RTN4RL1: variants seen among roughly 807,000 people sequenced by gnomAD.
The protein encoded by RTN4RL1 is reticulon-4 receptor-like 1.
A neutral mutation model predicts 25.6 loss-of-function variants in RTN4RL1; 7 were observed. The observed-to-expected ratio is 0.27, with a 90% CI of 0.16 to 0.51. RTN4RL1 has a LOEUF of 0.51. RTN4RL1 is among the 20% of genes least tolerant of loss of function. RTN4RL1 has a pLI of 0.97. For synonymous variants in RTN4RL1, 297 were observed against 288.2 expected, an observed-to-expected ratio of 1.03 and a Z score of -0.31; for missense variants, 500 against 615.6, an observed-to-expected ratio of 0.81 and a Z score of 1.99.
intron 1 of RTN4RL1, among the ~76,000 whole-genome samples, chr17:2,010,254 C>T (rs1314209655): frequency 1.5e-4 from 10 of 68,380 alleles, no homozygotes; most frequent in South Asian, 6.0e-4. Flanking sequence ...GCCAGGAGTT[C>T]AAGACCAGCC....
intron 1 of RTN4RL1, among the ~76,000 whole-genome samples, chr17:1,985,716 C>T (rs373947989): frequency 3.3e-5 from 5 of 152,116 alleles, no homozygotes; most frequent in African/African-American, 9.7e-5. Flanking sequence ...GGAAGCCAGC[C>T]GTCTGGTGGC....
At chr17:2,022,090 A>G (rs1228886054) in intron 1 of RTN4RL1, among the ~76,000 whole-genome samples, 1 of 151,138 alleles carries the variant, frequency 6.6e-6, no homozygotes, top group Non-Finnish European at 1.5e-5. Flanking sequence ...CGAGGTGGGC[A>G]GATCACTTGA....
intron 1 of RTN4RL1, among the ~76,000 whole-genome samples, chr17:2,011,672 T>C (rs759050496): frequency 1.3e-5 from 2 of 152,134 alleles, no homozygotes; most frequent in Non-Finnish European, 2.9e-5. Flanking sequence ...CTCCTTGCAA[T>C]AATCCCCCAT....
At chr17:1,989,709 G>C (rs2066901522) in intron 1 of RTN4RL1, among the ~76,000 whole-genome samples, 1 of 152,122 alleles carries the variant, frequency 6.6e-6, no homozygotes, top group Non-Finnish European at 1.5e-5. Flanking sequence ...GAGTAGCCAG[G>C]ATTACAGGTG....
intron 1 of RTN4RL1, among the ~76,000 whole-genome samples, chr17:1,971,097 C>T (rs1165085331): frequency 6.6e-6 from 1 of 152,122 alleles, no homozygotes; most frequent in Non-Finnish European, 1.5e-5. Flanking sequence ...CTCTGTGTCC[C>T]CACCCAGATC....
intron 1 of RTN4RL1, among the ~76,000 whole-genome samples, chr17:2,015,435 G>C (rs1006138307): frequency 2.6e-5 from 4 of 152,130 alleles, no homozygotes; most frequent in African/African-American, 4.8e-5. Context: ...CTGCAGCCAC[G>C]GCCGTGCTGA....
At chr17:1,984,995 GA>G (rs1454562864) in intron 1 of RTN4RL1, among the ~76,000 whole-genome samples, 1 of 152,078 alleles carries the variant, frequency 6.6e-6, no homozygotes, top group African/African-American at 2.4e-5. Context: ...AGAAAAATAG[GA>G]GAAATGGAAC....
intron 1 of RTN4RL1, among the ~76,000 whole-genome samples, chr17:1,952,682 C>T (rs1457452505): frequency 6.6e-6 from 1 of 151,872 alleles, no homozygotes; most frequent in African/African-American, 2.4e-5. Flanking sequence ...TCCACCCAAC[C>T]CCCCTCCTCT....
In RTN4RL1 at chr17:1,982,118, G is replaced by T. The variant is rs555522705; in HGVS notation, c.13+42735C>A. 3.6e-4 allele frequency among the ~76,000 whole-genome samples: 55 copies of T among 151,888 alleles called. No homozygotes were observed. In the South Asian group the frequency reaches 0.011, roughly 32 times the overall value. On this transcript the variant is annotated intron_variant, in intron 1 of 1. Transcript: ENST00000331238. Reference sequence around the variant, plus strand: ...AGTTCCAGACCAGCATGGCCAGCATGGTGAAAACCCATCTCTGCTAAAAAC... The same window carrying T: ...AGTTCCAGACCAGCATGGCCAGCATTGTGAAAACCCATCTCTGCTAAAAAC...
intron 1 of RTN4RL1, among the ~76,000 whole-genome samples, chr17:1,986,658 C>A (rs899965213): frequency 6.6e-6 from 1 of 151,872 alleles, no homozygotes; most frequent in African/African-American, 2.4e-5. Context: ...ACAGTCCTGC[C>A]AACACCTTGA....
intron 1 of RTN4RL1, among the ~76,000 whole-genome samples, chr17:1,974,039 A>AG (rs1244195477): frequency 1.1e-4 from 9 of 81,386 alleles, no homozygotes; most frequent in African/African-American, 3.3e-4. Flanking sequence ...ACTCCGTCTC[A>AG]GAAAAAAAAA....
intron 1 of RTN4RL1, among the ~76,000 whole-genome samples, chr17:2,008,226 G>A (rs1406560641): frequency 1.3e-5 from 2 of 149,608 alleles, no homozygotes; most frequent in African/African-American, 2.5e-5. Flanking sequence ...CCGAGATTGC[G>A]CCATTGCAAT....
At chr17:1,944,102 T>C (rs1254845012) in intron 1 of RTN4RL1, among the ~76,000 whole-genome samples, 1 of 152,118 alleles carries the variant, frequency 6.6e-6, no homozygotes, top group Non-Finnish European at 1.5e-5. Flanking sequence ...ATTTTTTATT[T>C]TTTGTAGCAA....
At chr17:2,017,520 G>A (rs944554019) in intron 1 of RTN4RL1, among the ~76,000 whole-genome samples, 3 of 152,246 alleles carry the variant, frequency 2.0e-5, no homozygotes, top group African/African-American at 7.2e-5. Context: ...CCCACTGACT[G>A]GCTCACCATC....
intron 1 of RTN4RL1, among the ~76,000 whole-genome samples, chr17:2,001,783 G>A (rs111510211): frequency 3.9e-5 from 6 of 152,292 alleles, no homozygotes; most frequent in African/African-American, 9.6e-5. Context: ...GAGCTGGGCC[G>A]GGCTAGGCTG....
chr17:1,971,274 G>A lies in RTN4RL1; in HGVS notation c.14-33466C>T, dbSNP rs112587268. 3.1e-3 allele frequency among the ~76,000 whole-genome samples: 477 copies of A among 152,294 alleles called. 5 individuals are homozygous for A. The highest frequency in any genetic ancestry group is 0.011 in the African/African-American group (455 of 41,560). On this transcript the variant is annotated intron_variant, in intron 1 of 1. Transcript: ENST00000331238. ...CATGCTCTCTCTCCTGTCGCCTTGC[G>A]AAGAAGGATGTGTTTGCTTCCCCTT...
chr17:1,979,751 A>G (rs767591259), intron 1 of RTN4RL1, among the ~76,000 whole-genome samples: 10 of 152,222 alleles, frequency 6.6e-5, no homozygotes, highest in Non-Finnish European at 1.5e-4. Context: ...CAGGCCAGCC[A>G]AGTCCAGCCC....
At position 1,973,263 on chromosome 17, in the gene RTN4RL1, G is replaced by A. The variant is rs139478584; in HGVS notation, c.14-35455C>T. Among the ~76,000 whole-genome samples, 1,251 of 152,094 alleles carry A rather than the reference G, an allele frequency of 8.2e-3. 14 individuals are homozygous for A. The highest frequency in any genetic ancestry group is 0.013 in the Non-Finnish European group (876 of 67,988). On this transcript the variant is annotated intron_variant, in intron 1 of 1. Coordinates refer to ENST00000331238, the MANE Select transcript of RTN4RL1 (RefSeq NM_178568.4). ...GCTTATAATCCCAGCTTCTTGGGAG[G>A]CTGAGGTGGGAGAATCACTGGAAAC...
chr17:1,978,640 G>C (rs958186901), intron 1 of RTN4RL1, among the ~76,000 whole-genome samples: 83 of 152,170 alleles, frequency 5.5e-4, no homozygotes, highest in Non-Finnish European at 9.9e-4. Flanking sequence ...AAATGGGGGG[G>C]GTGGAGGGTG....
Sources: allele counts gnomAD v4.1 joint callset (sites outside exome capture counted in the v4.1 genomes callset), GRCh38; gene constraint gnomAD v4.1.1; transcripts MANE v1.5; gene names NCBI Gene and HGNC (gene_info 2026-07-23, HGNC 2026-07-21).